The following CRB1 variants were observed in gnomAD, a reference collection of about 807,000 sequenced individuals.
CRB1 encodes the protein crumbs cell polarity complex component 1.
Under a neutral mutation model 120.0 loss-of-function variants are expected in CRB1, and 83 were observed. That is an observed-to-expected ratio of 0.69 (90% confidence interval 0.58 to 0.83). The LOEUF is 0.83. CRB1 is among the 40% of genes least tolerant of loss of function. The probability of loss-of-function intolerance (pLI) is 0.00; values close to 1 mark genes in which losing one functional copy is unlikely to be tolerated. For synonymous variants in CRB1, 625 were observed against 612.5 expected (o/e 1.02, Z -0.30); for missense variants, 1,699 against 1,687.6 (o/e 1.01, Z -0.12).
intron 5 of CRB1, among the ~76,000 whole-genome samples, chr1:197,409,366 T>A (rs923621770): frequency 3.9e-5 from 6 of 152,234 alleles, no homozygotes; most frequent in Admixed American, 2.6e-4. Context: ...ATGTTTTTTT[T>A]AATCATTTCA....
intron 11 of CRB1, among the ~76,000 whole-genome samples, chr1:197,467,007 A>G (rs1666775617): frequency 6.6e-6 from 1 of 152,184 alleles, no homozygotes; most frequent in Non-Finnish European, 1.5e-5. Context: ...AGTGTCTGGG[A>G]GAGGAGATAA....
intron 2 of CRB1, among the ~76,000 whole-genome samples, chr1:197,335,222 G>A (rs915240447): frequency 3.3e-5 from 5 of 152,178 alleles, no homozygotes; most frequent in Admixed American, 1.3e-4. Context: ...GAGCAATAAT[G>A]AGGTCAGACT....
chr1:197,400,468 A>C (rs1317578564), intron 5 of CRB1, among the ~76,000 whole-genome samples: 1 of 120,984 alleles, frequency 8.3e-6, no homozygotes. Context: ...GAAGTAAAAG[A>C]GCATTTTTTT....
At chr1:197,390,474 G>T (rs1662442936) in intron 5 of CRB1, among the ~76,000 whole-genome samples, 2 of 151,922 alleles carry the variant, frequency 1.3e-5, no homozygotes, top group Non-Finnish European at 2.9e-5. Flanking sequence ...ATTCTCCTGG[G>T]CAGTAGAAAG....
chr1:197,422,556 AG>A (rs1664390763), intron 6 of CRB1, among the ~76,000 whole-genome samples: 1 of 151,940 alleles, frequency 6.6e-6, no homozygotes, highest in South Asian at 2.1e-4. Flanking sequence ...AAAAAAAAAA[AG>A]AAAAAAAAAT....
chr1:197,313,407 T>C (rs527856242), intron 1 of CRB1, among the ~76,000 whole-genome samples: 4 of 152,362 alleles, frequency 2.6e-5, no homozygotes, highest in Admixed American at 2.0e-4. Context: ...ATTAGGCCAA[T>C]TGAGATATAC....
chr1:197,333,546 C>T (rs1177877716), intron 2 of CRB1, among the ~76,000 whole-genome samples: 1 of 152,136 alleles, frequency 6.6e-6, no homozygotes, highest in Non-Finnish European at 1.5e-5. Flanking sequence ...AAGGCCAGTT[C>T]AATGTATGTT....
chr1:197,339,315 A>G (rs757120681), intron 2 of CRB1, among the ~76,000 whole-genome samples: 1 of 152,210 alleles, frequency 6.6e-6, no homozygotes, highest in Admixed American at 6.5e-5. Context: ...CTTACTGTAA[A>G]TCTATCACTA....
chr1:197,244,812 A>AT, the CRB1 span, among the ~76,000 whole-genome samples: 6 of 151,664 alleles, frequency 4.0e-5, no homozygotes, highest in Non-Finnish European at 8.8e-5. Flanking sequence ...CAAACAGTAG[A>AT]TTTTTTTGTT....
chr1:197,374,292 G>A (rs1457940638), intron 5 of CRB1, among the ~76,000 whole-genome samples: 1 of 152,150 alleles, frequency 6.6e-6, no homozygotes. Context: ...GCAAGGAATG[G>A]AGGATGATGG....
At chr1:197,346,302 A>AG (rs1339379043) in intron 3 of CRB1, among the ~76,000 whole-genome samples, 9 of 152,224 alleles carry the variant, frequency 5.9e-5, no homozygotes, top group African/African-American at 2.2e-4. Context: ...AAAAAAAAAA[A>AG]AGAACTTCTT....
At position 197,427,490 on chromosome 1, in the gene CRB1, C is replaced by G; in HGVS notation, c.2165C>G (p.Thr722Ser). ...GGCAGATTTGGCCAGGATGACTCCACTGGTTATGTCATCTTTACTCTTGAT... is the reference window on the plus strand; with the variant it reads ...GGCAGATTTGGCCAGGATGACTCCAGTGGTTATGTCATCTTTACTCTTGAT... ...VAGRFGQDDS[T>S]GYVIFTLDES... The change falls in exon 7 of 12, where the codon ACT becomes AGT. Residue 722 changes from threonine to serine, a missense_variant. By Grantham distance (58) the Thr-to-Ser change is moderately conservative (BLOSUM62 1). Transcript: ENST00000367400. 1 of 1,613,900 alleles carries G rather than the reference C, an allele frequency of 6.2e-7. No homozygotes were observed. Among genetic ancestry groups the G allele is most frequent in the South Asian group, 1.1e-5 (1 of 91,064 alleles).
At chr1:197,380,568 C>A (rs1661900600) in intron 5 of CRB1, among the ~76,000 whole-genome samples, 1 of 152,072 alleles carries the variant, frequency 6.6e-6, no homozygotes, top group African/African-American at 2.4e-5. Context: ...TAAGAACATC[C>A]AAATAAGATA....
At chr1:197,463,044 A>G (rs189721555) in intron 11 of CRB1, among the ~76,000 whole-genome samples, 5 of 152,244 alleles carry the variant, frequency 3.3e-5, no homozygotes, top group Admixed American at 2.0e-4. Flanking sequence ...TCGCCTGATG[A>G]TATTGTGTTG....
rs1662652640 is a variant in CRB1 at position 197,394,144 on chromosome 1, CA to C, written c.1172-26854del. 2.0e-5 allele frequency among the ~76,000 whole-genome samples: 3 copies of C among 152,170 alleles called. No homozygotes were observed. The South Asian group carries it at 6.2e-4, about 32-fold the overall frequency. ...TCTTTTGCCTGTGCCATGCTGGAGA[CA>C]ACAAGACCAACCCTTCTACTTCCAC... On this transcript the variant is annotated intron_variant, in intron 5 of 11. Coordinates refer to ENST00000367400, the MANE Select transcript of CRB1 (RefSeq NM_201253.3).
chr1:197,218,083 A>T, the CRB1 span, among the ~76,000 whole-genome samples: 4 of 152,364 alleles, frequency 2.6e-5, no homozygotes, highest in East Asian at 7.7e-4. Context: ...TTCATAATGA[A>T]AAAAATTAAA....
At chr1:197,293,596 C>T (rs754416969) in intron 1 of CRB1, among the ~76,000 whole-genome samples, 28 of 152,108 alleles carry the variant, frequency 1.8e-4, no homozygotes, top group African/African-American at 3.9e-4. Flanking sequence ...AAAGAGCCCG[C>T]GTCGCCAAGT....
chr1:197,334,117 T>C (rs560428779), intron 2 of CRB1, among the ~76,000 whole-genome samples: 5 of 152,064 alleles, frequency 3.3e-5, no homozygotes, highest in Non-Finnish European at 5.9e-5. Context: ...GAGGTGGGGG[T>C]CCAAGAATAT....
the CRB1 span, among the ~76,000 whole-genome samples, chr1:197,213,937 CAAAT>C: frequency 6.6e-6 from 1 of 151,928 alleles, no homozygotes; most frequent in African/African-American, 2.4e-5. Context: ...AGAAAACTCT[CAAAT>C]AAACAATCTA....
Sources: allele counts gnomAD v4.1 joint callset (sites outside exome capture counted in the v4.1 genomes callset), GRCh38; gene constraint gnomAD v4.1.1; transcripts MANE v1.5; gene names NCBI Gene and HGNC (gene_info 2026-07-23, HGNC 2026-07-21).